AFF2: variants seen among roughly 807,000 people sequenced by gnomAD.
The protein encoded by AFF2 is AF4/FMR2 family member 2.
In AFF2, 14 loss-of-function variants were observed where a neutral mutation model predicts 76.9. The ratio of observed to expected loss-of-function variants is 0.18; its 90% CI spans 0.12 to 0.28. AFF2 has a LOEUF of 0.28. Among genes scored for constraint, AFF2 ranks in the 10% least tolerant of loss-of-function variants. AFF2 has a pLI of 1.00. For synonymous variants in AFF2, 398 were observed against 366.7 expected (o/e 1.09, Z -0.98); for missense variants, 868 against 1,001.1 (o/e 0.87, Z 1.79).
At chrX:148,566,742 C>T (rs1426417360) in intron 1 of AFF2, among the ~76,000 whole-genome samples, 2 of 111,067 alleles carry the variant, frequency 1.8e-5, no homozygotes, top group Non-Finnish European at 3.8e-5. Flanking sequence ...ATAGCTGAAC[C>T]GTTCACCTCT....
At chrX:148,616,842 C>A (rs782411786) in intron 1 of AFF2, among the ~76,000 whole-genome samples, 1 of 108,614 alleles carries the variant, frequency 9.2e-6, no homozygotes, top group African/African-American at 3.4e-5. Context: ...TTTGTCCTTG[C>A]GACAGTTTGC....
chrX:148,563,369 G>A (rs1209320848), intron 1 of AFF2, among the ~76,000 whole-genome samples: 1 of 111,838 alleles, frequency 8.9e-6, no homozygotes, highest in Admixed American at 9.5e-5. Context: ...CAAAATGTAG[G>A]AAGGCAAAGA....
chrX:148,887,373 G>A (rs1269892584), intron 8 of AFF2, among the ~76,000 whole-genome samples: 1 of 111,938 alleles, frequency 8.9e-6, no homozygotes, highest in Non-Finnish European at 1.9e-5. Context: ...ATATTTGTAA[G>A]TAAAACAAAA....
At chrX:148,947,508 C>G (rs1406175782) in intron 9 of AFF2, among the ~76,000 whole-genome samples, 1 of 111,819 alleles carries the variant, frequency 8.9e-6, no homozygotes, top group Non-Finnish European at 1.9e-5. Context: ...CTATTGCTTT[C>G]TATTTCTGCA....
At chrX:148,830,558 G>A (rs1557273233) in intron 4 of AFF2, among the ~76,000 whole-genome samples, 1 of 111,981 alleles carries the variant, frequency 8.9e-6, no homozygotes, top group Non-Finnish European at 1.9e-5. Flanking sequence ...AAAGCTGGGT[G>A]TCTGGGGCAG....
intron 7 of AFF2, among the ~76,000 whole-genome samples, chrX:148,884,763 G>A (rs782279839): frequency 3.6e-5 from 4 of 112,465 alleles, no homozygotes; most frequent in South Asian, 3.7e-4. Context: ...CTGTGATCCA[G>A]CTGGAGCTGA....
chrX:148,662,205 T>C lies in AFF2; in HGVS notation c.478T>C (p.Ser160Pro). 8.3e-7 allele frequency: 1 copy of C among 1,210,843 alleles called. No individual in the cohort carries two copies. The highest frequency in any genetic ancestry group is 1.1e-6 in the Non-Finnish European group (1 of 894,910). ...CAACAGAAAATCAAAACCTGAGTGG[T>C]CACGTGATAGTCATAACCCTAGCAC... ...HSNRKSKPEW[S>P]RDSHNPSTVL... The change falls in exon 3 of 21, where the codon TCA becomes CCA. Residue 160 changes from serine (S) to proline (P), a missense_variant. Transcript: ENST00000370460.
chrX:148,624,274 A>C (rs782783764), intron 1 of AFF2, among the ~76,000 whole-genome samples: 1 of 111,245 alleles, frequency 9.0e-6, no homozygotes, highest in East Asian at 2.9e-4. Flanking sequence ...TTAGCACCTA[A>C]TTTTGTCATT....
In AFF2 at chrX:148,998,460, C is replaced by T. The variant is rs1245079647; in HGVS notation, c.*7128C>T. 2.7e-5 allele frequency: 3 copies of T among 112,628 alleles called. No homozygotes were observed. Among genetic ancestry groups the T allele is most frequent in the Non-Finnish European group, 5.6e-5 (3 of 53,285 alleles). 9.3% of individuals were successfully genotyped at this position (112,628 alleles called of 1,213,427 possible). A position where few individuals can be genotyped will look rare whatever the true frequency, so the allele number is the denominator to read the frequency against. ...GGAAAGGCATGCTGTATTATGAAAT[C>T]GTGATAATATAACTGCATTATTACA... On this transcript the variant is annotated 3_prime_UTR_variant, in exon 21 of 21. Coordinates refer to ENST00000370460, the MANE Select transcript of AFF2 (RefSeq NM_002025.4).
At chrX:148,773,487 T>C (rs1416746196) in intron 3 of AFF2, among the ~76,000 whole-genome samples, 1 of 109,739 alleles carries the variant, frequency 9.1e-6, no homozygotes, top group Non-Finnish European at 1.9e-5. Context: ...TAACAAGCAT[T>C]TGTGAAGAGG....
chrX:148,990,424 A>G (rs1250663259), intron 20 of AFF2, among the ~76,000 whole-genome samples: 3 of 112,383 alleles, frequency 2.7e-5, no homozygotes, highest in African/African-American at 9.7e-5. Flanking sequence ...GTGCCAGGCA[A>G]ATGAATTCGT....
At chrX:148,577,967 T>C (rs2053310053) in intron 1 of AFF2, among the ~76,000 whole-genome samples, 1 of 112,472 alleles carries the variant, frequency 8.9e-6, no homozygotes, top group African/African-American at 3.2e-5. Context: ...TTGCAGCTCC[T>C]CTGCGATTCT....
In AFF2 at chrX:148,953,662, T is replaced by C. The variant is rs782179840; in HGVS notation, c.1480T>C (p.Ser494Pro). The C allele has an allele frequency of 8.3e-7, 1 of 1,211,397 alleles. No homozygotes were observed. The highest frequency in any genetic ancestry group is 1.1e-6 in the Non-Finnish European group (1 of 895,360). The change falls in exon 10 of 21, where the codon TCT becomes CCT. Residue 494 changes from serine (S) to proline (P), a missense_variant. Physicochemically the swap from Ser to Pro is moderately conservative, Grantham distance 74. Around this residue, in one of 6 missense-constraint regions of AFF2, gnomAD observed 532 missense variants for 564.2 expected, o/e 0.94. Coordinates refer to ENST00000370460, the MANE Select transcript of AFF2 (RefSeq NM_002025.4). ...CAGCTCCAGCGAATCGGAGAGCAGC[T>C]CTGAGTCGGATTCAGACACTGAAAG... The part of the protein sequence containing the change: ...SGSSSESESS[S>P]ESDSDTESST...
chrX:148,782,150 CTT>C (rs1287383954), intron 3 of AFF2, among the ~76,000 whole-genome samples: 1 of 111,591 alleles, frequency 9.0e-6, no homozygotes, highest in Non-Finnish European at 1.9e-5. Flanking sequence ...CCTGGGGAGT[CTT>C]TAAGATCCTC....
intron 9 of AFF2, among the ~76,000 whole-genome samples, chrX:148,922,036 T>C (rs1557283265): frequency 8.9e-6 from 1 of 112,102 alleles, no homozygotes; most frequent in Non-Finnish European, 1.9e-5. Context: ...TCGTTTTGTG[T>C]TCATTAGAGC....
At chrX:148,828,481 C>A (rs1557273080) in intron 4 of AFF2, among the ~76,000 whole-genome samples, 1 of 112,194 alleles carries the variant, frequency 8.9e-6, no homozygotes, top group Non-Finnish European at 1.9e-5. Context: ...GTGGGGTGTT[C>A]AGTCTTCTAT....
chrX:148,566,852 A>G (rs993519896), intron 1 of AFF2, among the ~76,000 whole-genome samples: 1 of 111,779 alleles, frequency 8.9e-6, no homozygotes, highest in Non-Finnish European at 1.9e-5. Context: ...TTATAACCAA[A>G]GTGCCAGCAA....
chrX:148,559,082 G>C lies in AFF2; in HGVS notation c.47+57938G>C, dbSNP rs976343346. On this transcript the variant is annotated intron_variant, in intron 1 of 20. Transcript: ENST00000370460. ...CTAGTTTGGCAACTGGAGTTGGCCT[G>C]TTCTAGTTGACTAGTTGGGAAAATG... is the stretch of plus-strand genomic sequence containing the variant. 2.7e-5 allele frequency among the ~76,000 whole-genome samples: 3 copies of C among 111,344 alleles called. No homozygotes were observed. The South Asian group carries it at 1.1e-3, about 42-fold the overall frequency.
At chrX:148,631,561 A>G (rs1293284995) in intron 1 of AFF2, among the ~76,000 whole-genome samples, 2 of 112,209 alleles carry the variant, frequency 1.8e-5, no homozygotes, top group African/African-American at 6.5e-5. Flanking sequence ...CCACACAACA[A>G]GAAGGACAAC....
Sources: gnomAD v4.1 joint callset for allele counts (sites outside exome capture counted in the v4.1 genomes callset) on GRCh38, gnomAD v4.1.1 for gene constraint, gnomAD v4.1.1 regional missense constraint, MANE v1.5 for transcripts, NCBI Gene and HGNC (gene_info 2026-07-23, HGNC 2026-07-21) for gene names.